The following PDE11A variants were observed in gnomAD, a reference collection of about 807,000 sequenced individuals.
PDE11A encodes phosphodiesterase 11A, also known as dual 3',5'-cyclic-AMP and -GMP phosphodiesterase 11A.
In PDE11A, 100 loss-of-function variants were observed where a neutral mutation model predicts 100.5. The ratio of observed to expected loss-of-function variants is 1.00; its 90% CI spans 0.85 to 1.18. The LOEUF (loss-of-function observed/expected upper bound fraction) is 1.18, where lower values mean the gene tolerates loss of function less well. Ranked by LOEUF, PDE11A falls within the 50% of genes most tolerant of loss-of-function variation. The pLI, the probability that PDE11A is intolerant of heterozygous loss-of-function variation, is 0.00. For synonymous variants in PDE11A, 381 were observed against 420.8 expected (o/e 0.91, Z 1.16); for missense variants, 1,141 against 1,152.6 (o/e 0.99, Z 0.15).
chr2:178,080,745 A>T (rs961528396), intron 2 of PDE11A, among the ~76,000 whole-genome samples: 22 of 152,114 alleles, frequency 1.4e-4, no homozygotes, highest in African/African-American at 5.3e-4. Flanking sequence ...CATTAGTCTC[A>T]TCTGTTATTT....
At chr2:177,773,784 G>C (rs1000939788) in intron 9 of PDE11A, among the ~76,000 whole-genome samples, 3 of 152,116 alleles carry the variant, frequency 2.0e-5, no homozygotes, top group Admixed American at 1.3e-4. Flanking sequence ...GGTGAGCAGG[G>C]AGGAATCATC....
At position 177,697,368 on chromosome 2, in the gene PDE11A, T is replaced by A; in HGVS notation, c.2309A>T (p.Gln770Leu). ...CGTGAGGTCTGTTGCCAATATTGAC[T>A]GCTTCAAAAGCTGCATAAGGTCACT... is the stretch of plus-strand genomic sequence containing the variant. ...EYSDLMQLLK[Q>L]SILATDLTLY... The change falls in exon 15 of 20, where the codon CAG (glutamine) becomes CTG (leucine). Residue 770 changes from glutamine (Q) to leucine (L), a missense_variant. Physicochemically the swap from Gln to Leu is moderately radical, Grantham distance 113. Transcript: ENST00000286063. The A allele has an allele frequency of 1.2e-6, 2 of 1,600,086 alleles. No homozygotes were observed. The highest frequency in any genetic ancestry group is 2.7e-5 in the African/African-American group (2 of 74,764).
intron 17 of PDE11A, among the ~76,000 whole-genome samples, chr2:177,670,246 T>A (rs2080657120): frequency 6.6e-6 from 1 of 152,202 alleles, no homozygotes; most frequent in South Asian, 2.1e-4. Context: ...TGTTAATTTA[T>A]GGTAGGCTCT....
intron 9 of PDE11A, among the ~76,000 whole-genome samples, chr2:177,803,011 A>G (rs1414694147): frequency 6.6e-6 from 1 of 151,956 alleles, no homozygotes. Flanking sequence ...TTATATAGTA[A>G]GAAATTAAAA....
At chr2:178,056,132 T>C (rs1431614191) in intron 1 of PDE11A, among the ~76,000 whole-genome samples, 1 of 152,212 alleles carries the variant, frequency 6.6e-6, no homozygotes, top group East Asian at 1.9e-4. Flanking sequence ...GGCTGAATTT[T>C]ACAAATCACT....
intron 5 of PDE11A, among the ~76,000 whole-genome samples, chr2:177,864,670 A>C (rs2083999120): frequency 6.6e-6 from 1 of 152,190 alleles, no homozygotes; most frequent in South Asian, 2.1e-4. Context: ...CAGAAATGGC[A>C]TAAAGGGAGA....
chr2:178,015,512 T>C (rs1270335312), intron 1 of PDE11A, among the ~76,000 whole-genome samples: 1 of 152,136 alleles, frequency 6.6e-6, no homozygotes, highest in African/African-American at 2.4e-5. Context: ...GAAATCCAAA[T>C]AAAATATGTG....
chr2:177,633,220 C>T (rs1215315483), intron 19 of PDE11A, among the ~76,000 whole-genome samples: 1 of 152,210 alleles, frequency 6.6e-6, no homozygotes, highest in East Asian at 1.9e-4. Flanking sequence ...TATCATTAAA[C>T]CACTATGATT....
intron 5 of PDE11A, among the ~76,000 whole-genome samples, chr2:177,859,156 T>C (rs2083898486): frequency 6.6e-6 from 1 of 151,814 alleles, no homozygotes; most frequent in Admixed American, 6.6e-5. Context: ...AAATGACGAG[T>C]TAATGGGTGC....
At chr2:177,673,490 T>C (rs1574030414) in intron 17 of PDE11A, among the ~76,000 whole-genome samples, 1 of 152,274 alleles carries the variant, frequency 6.6e-6, no homozygotes, top group African/African-American at 2.4e-5. Flanking sequence ...GCTATGAATA[T>C]CGCTCATCTC....
chr2:177,936,936 T>A (rs1311757619), intron 2 of PDE11A, among the ~76,000 whole-genome samples: 1 of 126,830 alleles, frequency 7.9e-6, no homozygotes. Context: ...AAAAAAAAAT[T>A]TAAGGGATAC....
intron 4 of PDE11A, among the ~76,000 whole-genome samples, chr2:177,895,005 C>T (rs937113234): frequency 2.0e-5 from 3 of 152,080 alleles, no homozygotes; most frequent in Non-Finnish European, 4.4e-5. Context: ...CTTGGGACCA[C>T]TTATTCAAGG....
At chr2:177,835,786 G>A (rs377376439) in intron 6 of PDE11A, among the ~76,000 whole-genome samples, 7 of 152,318 alleles carry the variant, frequency 4.6e-5, no homozygotes, top group Admixed American at 6.5e-5. Flanking sequence ...TGGTGCCGCC[G>A]GCCCTGGGCA....
chr2:177,968,898 T>A (rs1436342094), intron 2 of PDE11A, among the ~76,000 whole-genome samples: 1 of 152,200 alleles, frequency 6.6e-6, no homozygotes, highest in East Asian at 1.9e-4. Flanking sequence ...TACCATTTGA[T>A]CTGGCAATCC....
chr2:177,897,876 C>T (rs1212962380), intron 4 of PDE11A, among the ~76,000 whole-genome samples, 182 bp downstream of exon 4: 1 of 152,092 alleles, frequency 6.6e-6, no homozygotes, highest in Admixed American at 6.5e-5. Context: ...TCTAAGTTGA[C>T]TGCAAAAAGA....
intron 5 of PDE11A, among the ~76,000 whole-genome samples, chr2:177,852,888 T>C (rs765469686): frequency 4.6e-5 from 7 of 152,176 alleles, no homozygotes; most frequent in Non-Finnish European, 1.0e-4. Context: ...ATCACACTTT[T>C]ATTCCTCTCA....
At chr2:178,044,888 T>G (rs2086730047) in intron 1 of PDE11A, among the ~76,000 whole-genome samples, 1 of 152,150 alleles carries the variant, frequency 6.6e-6, no homozygotes, top group Admixed American at 6.6e-5. Context: ...CTCCACTTAT[T>G]ATTTTTGATT....
intron 2 of PDE11A, among the ~76,000 whole-genome samples, chr2:178,009,771 G>T (rs752934675): frequency 1.6e-4 from 24 of 152,184 alleles, no homozygotes; most frequent in Non-Finnish European, 2.9e-4. Flanking sequence ...AAATAGCCCA[G>T]AAATCAGTAT....
In PDE11A at chr2:177,997,211, G is replaced by T; in HGVS notation, c.1071+17091C>A. On this transcript the variant is annotated intron_variant, in intron 2 of 19. Coordinates refer to ENST00000286063, the MANE Select transcript of PDE11A (RefSeq NM_016953.4). The stretch of plus-strand genomic sequence containing the variant: ...TGTCTTATTCAGTAGAGTCTTCCAC[G>T]ACTACGATTTCTTCGTGTGCCCCAA... 3.1e-6 allele frequency: 4 copies of T among 1,290,620 alleles called. No homozygotes were observed. In the Admixed American group the frequency reaches 6.9e-5, roughly 22 times the overall value. 79.9% of individuals were successfully genotyped at this position (1,290,620 alleles called of 1,614,324 possible).
Sources: allele counts gnomAD v4.1 joint callset (sites outside exome capture counted in the v4.1 genomes callset), GRCh38; gene constraint gnomAD v4.1.1; transcripts MANE v1.5; gene names NCBI Gene and HGNC (gene_info 2026-07-23, HGNC 2026-07-21).